Variants in MAGI2 observed in about 807,000 individuals in gnomAD.
MAGI2 encodes membrane associated guanylate kinase, WW and PDZ domain containing 2.
Under a neutral mutation model 133.3 loss-of-function variants are expected in MAGI2, and 35 were observed. The observed-to-expected ratio is 0.26, with a 90% confidence interval of 0.20 to 0.35. The LOEUF is 0.35. Among genes scored for constraint, MAGI2 ranks in the 10% least tolerant of loss-of-function variants. The pLI is 1.00. For missense variants in MAGI2, 1,636 were observed against 1,863.4 expected, an observed-to-expected ratio of 0.88 and a Z score of 2.25; for synonymous variants, 729 against 710.6, an observed-to-expected ratio of 1.03 and a Z score of -0.41.
intron 2 of MAGI2, among the ~76,000 whole-genome samples, chr7:78,735,883 C>G (rs1821799168): frequency 6.6e-6 from 1 of 152,090 alleles, no homozygotes; most frequent in Non-Finnish European, 1.5e-5. Context: ...CTAGTGTATA[C>G]AACCAACAAT....
At chr7:79,104,047 T>C (rs543532110) in intron 1 of MAGI2, among the ~76,000 whole-genome samples, 1 of 152,270 alleles carries the variant, frequency 6.6e-6, no homozygotes, top group African/African-American at 2.4e-5. Context: ...TTCACTTTGT[T>C]ATAGTTCATC....
At chr7:79,264,572 C>T (rs1204136363) in intron 1 of MAGI2, among the ~76,000 whole-genome samples, 1 of 152,206 alleles carries the variant, frequency 6.6e-6, no homozygotes, top group Non-Finnish European at 1.5e-5. Context: ...CAACATCTCT[C>T]TGGGATAAGT....
At chr7:78,298,719 G>T (rs760781858) in intron 9 of MAGI2, among the ~76,000 whole-genome samples, 1 of 151,828 alleles carries the variant, frequency 6.6e-6, no homozygotes, top group African/African-American at 2.4e-5. Flanking sequence ...GCCCAGGCTG[G>T]GTCTCCAACC....
At chr7:78,773,668 C>T (rs560986085) in intron 2 of MAGI2, among the ~76,000 whole-genome samples, 2 of 152,136 alleles carry the variant, frequency 1.3e-5, no homozygotes, top group Non-Finnish European at 2.9e-5. Flanking sequence ...AGGACAGTCA[C>T]ATAGAATAGG....
chr7:78,019,117 A>G lies in MAGI2; in HGVS notation c.*198T>C, dbSNP rs1808020838. 1 of 516,874 alleles carries G rather than the reference A, an allele frequency of 1.9e-6. No individual in the cohort carries two copies. The highest frequency in any genetic ancestry group is 2.0e-5 in the African/African-American group (1 of 49,916). 32.0% of individuals were successfully genotyped at this position (516,874 alleles called of 1,614,324 possible). On this transcript the variant is annotated 3_prime_UTR_variant, in exon 22 of 22. Transcript: ENST00000354212. Reference sequence around the variant, plus strand: ...CCCCCACAAGGGAACCGGGGGCTTTAGGATCAGTTTAGGTCTGCGCGTTGA... The same window carrying G: ...CCCCCACAAGGGAACCGGGGGCTTTGGGATCAGTTTAGGTCTGCGCGTTGA...
chr7:78,373,324 A>G (rs528111232), intron 6 of MAGI2, among the ~76,000 whole-genome samples: 1 of 152,302 alleles, frequency 6.6e-6, no homozygotes, highest in African/African-American at 2.4e-5. Context: ...GAACCAGAAG[A>G]AGGACATTAG....
chr7:78,613,202 G>C (rs1806664933), intron 3 of MAGI2, among the ~76,000 whole-genome samples: 1 of 152,064 alleles, frequency 6.6e-6, no homozygotes. Flanking sequence ...CATATAACAT[G>C]CCAAACTACA....
intron 1 of MAGI2, among the ~76,000 whole-genome samples, chr7:79,301,088 G>C (rs1451577895): frequency 6.6e-6 from 1 of 152,250 alleles, no homozygotes; most frequent in East Asian, 1.9e-4. Context: ...GCCATCTGCA[G>C]GGGTGGAGCC....
chr7:78,966,274 G>A (rs1185705939), intron 2 of MAGI2, among the ~76,000 whole-genome samples: 1 of 152,064 alleles, frequency 6.6e-6, no homozygotes, highest in African/African-American at 2.4e-5. Flanking sequence ...TGTATAGGAG[G>A]TAGGCAACTT....
chr7:78,409,347 A>G (rs1210097088), intron 6 of MAGI2, among the ~76,000 whole-genome samples: 1 of 152,080 alleles, frequency 6.6e-6, no homozygotes, highest in Non-Finnish European at 1.5e-5. Flanking sequence ...CTCTCGTTTT[A>G]TAGATGAGAA....
chr7:79,279,242 T>C (rs1835452471), intron 1 of MAGI2, among the ~76,000 whole-genome samples: 1 of 152,146 alleles, frequency 6.6e-6, no homozygotes, highest in African/African-American at 2.4e-5. Flanking sequence ...CCAGTCACCT[T>C]GCATCTTGAG....
chr7:78,369,119 TATTA>T, intron 7 of MAGI2, 33 bp downstream of exon 7: 1 of 1,407,184 alleles, frequency 7.1e-7, no homozygotes, highest in Non-Finnish European at 9.8e-7. Context: ...TTTCACAACA[TATTA>T]ATAACAAGTT....
chr7:78,030,291 G>A (rs1289734992), intron 21 of MAGI2, among the ~76,000 whole-genome samples: 1 of 152,148 alleles, frequency 6.6e-6, no homozygotes, highest in Non-Finnish European at 1.5e-5. Context: ...TTGAGATGGA[G>A]TCTCGCTCTG....
intron 1 of MAGI2, among the ~76,000 whole-genome samples, chr7:79,065,315 T>C (rs1814193719): frequency 6.6e-6 from 1 of 152,088 alleles, no homozygotes; most frequent in African/African-American, 2.4e-5. Flanking sequence ...CTTATTTGCT[T>C]ATAAACAAGC....
At chr7:79,408,546 A>T (rs1006078213) in intron 1 of MAGI2, among the ~76,000 whole-genome samples, 1 of 152,128 alleles carries the variant, frequency 6.6e-6, no homozygotes, top group Non-Finnish European at 1.5e-5. Flanking sequence ...GGGATTAAAT[A>T]AATGTCTAAA....
At chr7:78,234,658 A>G (rs1306263307) in intron 10 of MAGI2, among the ~76,000 whole-genome samples, 1 of 139,750 alleles carries the variant, frequency 7.2e-6, no homozygotes, top group African/African-American at 2.5e-5. Flanking sequence ...CATATTCCAC[A>G]GTATGAAAAA....
At chr7:79,417,738 T>C (rs1378239140) in intron 1 of MAGI2, among the ~76,000 whole-genome samples, 1 of 144,478 alleles carries the variant, frequency 6.9e-6, no homozygotes. Flanking sequence ...GTTGAATATG[T>C]CCACATATGC....
At chr7:78,920,207 T>C (rs1554606210) in intron 2 of MAGI2, among the ~76,000 whole-genome samples, 1 of 152,120 alleles carries the variant, frequency 6.6e-6, no homozygotes, top group Non-Finnish European at 1.5e-5. Flanking sequence ...GGGTTCAAAA[T>C]GATTGGATGT....
intron 2 of MAGI2, among the ~76,000 whole-genome samples, chr7:78,983,618 C>T (rs566482660): frequency 1.3e-5 from 2 of 151,984 alleles, no homozygotes; most frequent in African/African-American, 4.8e-5. Context: ...TATAAAAAAG[C>T]CTTCAGTATA....
Sources: gnomAD v4.1 joint callset for allele counts (sites outside exome capture counted in the v4.1 genomes callset) on GRCh38, gnomAD v4.1.1 for gene constraint, MANE v1.5 for transcripts, NCBI Gene and HGNC (gene_info 2026-07-23, HGNC 2026-07-21) for gene names.